The following SPEF2 variants were observed in gnomAD, a reference collection of about 807,000 sequenced individuals.
SPEF2 encodes the protein sperm flagella and cilia-associated protein 2.
A neutral mutation model predicts 224.6 loss-of-function variants in SPEF2; 187 were observed. The observed-to-expected ratio is 0.83, with a 90% CI of 0.74 to 0.94. The LOEUF is 0.94. SPEF2 is among the 40% of genes least tolerant of loss of function. SPEF2 has a pLI of 0.00. For synonymous variants in SPEF2, 715 were observed against 707.3 expected (o/e 1.01, Z -0.17); for missense variants, 2,170 against 2,135.6 (o/e 1.02, Z -0.32).
intron 2 of SPEF2, among the ~76,000 whole-genome samples, chr5:35,630,911 A>C (rs1039827736): frequency 4.5e-4 from 68 of 152,186 alleles, no homozygotes; most frequent in African/African-American, 1.6e-3. Flanking sequence ...AATAGTAAAA[A>C]GACAATCCAA....
chr5:35,716,772 G>A (rs1742658276), intron 20 of SPEF2, among the ~76,000 whole-genome samples: 1 of 152,034 alleles, frequency 6.6e-6, no homozygotes, highest in Non-Finnish European at 1.5e-5. Context: ...TCCATTGCAG[G>A]TGAACACCAT....
chr5:35,718,225 A>G (rs906824993), intron 20 of SPEF2, among the ~76,000 whole-genome samples: 1 of 152,164 alleles, frequency 6.6e-6, no homozygotes, highest in Non-Finnish European at 1.5e-5. Flanking sequence ...CCTGAGCCCA[A>G]TCCTAAGCCA....
chr5:35,796,707 T>C (rs529499216), intron 33 of SPEF2, among the ~76,000 whole-genome samples: 2 of 152,242 alleles, frequency 1.3e-5, no homozygotes, highest in South Asian at 4.2e-4. Flanking sequence ...GTATAATGTA[T>C]AGATTGTTCA....
chr5:35,633,976 A>C (rs965304506), intron 2 of SPEF2, among the ~76,000 whole-genome samples: 1 of 152,052 alleles, frequency 6.6e-6, no homozygotes. Context: ...TTACATCTTA[A>C]GCCCATCAAG....
rs138159168 is a variant in SPEF2, at chr5:35,654,837, A to C, written c.978+111A>C. Reference sequence around the variant, plus strand: ...ATGTATTGTCTGCTACTCTGCATCAAATGTCACTTTCACATCCTCATCATA... The same window carrying C: ...ATGTATTGTCTGCTACTCTGCATCACATGTCACTTTCACATCCTCATCATA... On this transcript the variant is annotated intron_variant, in intron 7 of 36. Transcript: ENST00000356031. The C allele has an allele frequency of 1.1e-4, 98 of 899,962 alleles. No homozygotes were observed. In the African/African-American group the frequency reaches 1.5e-3, roughly 14 times the overall value. The allele number at this position is 899,962 out of a possible 1,614,324, so 55.7% of individuals were successfully genotyped here. A position where few individuals can be genotyped will look rare whatever the true frequency, so the allele number is the denominator to read the frequency against.
intron 21 of SPEF2, among the ~76,000 whole-genome samples, chr5:35,739,529 GC>G (rs1747225517): frequency 6.6e-6 from 1 of 152,118 alleles, no homozygotes; most frequent in African/African-American, 2.4e-5. Flanking sequence ...ATTGGCACAT[GC>G]CACCACACCT....
At chr5:35,636,980 AAAAAAAAAAAAG>A (rs1165120091) in intron 2 of SPEF2, among the ~76,000 whole-genome samples, 21 of 151,140 alleles carry the variant, frequency 1.4e-4, no homozygotes, top group Admixed American at 1.1e-3. Flanking sequence ...TGTCTCAAAA[AAAAAAAAAAAAG>A]AAAAAAGAAA....
intron 33 of SPEF2, among the ~76,000 whole-genome samples, chr5:35,797,317 G>GGTGTGTCT (rs369368858): frequency 0.079 from 11,235 of 142,036 alleles, 560 homozygotes; most frequent in South Asian, 0.12. Flanking sequence ...ATGGCTGACG[G>GGTGTGTCT]GTGTGTGTGT....
chr5:35,792,430 A>C lies in SPEF2; in HGVS notation c.4538A>C (p.His1513Pro). 1 of 1,613,666 alleles carries C rather than the reference A, an allele frequency of 6.2e-7. No individual in the cohort carries two copies. Among genetic ancestry groups the C allele is most frequent in the Non-Finnish European group, 8.5e-7 (1 of 1,179,718 alleles). Reference protein sequence around the residue: ...GTNNFPSNWMHLTQPELQELT... With the variant: ...GTNNFPSNWMPLTQPELQELT... ...AACAACTTTCCTAGTAATTGGATGC[A>C]CCTTACCCAACCTGAAGTAAGCTTC... Residue 1513 changes from histidine (H) to proline (P), a missense_variant, in exon 31 of 37, where the codon CAC becomes CCC. By Grantham distance (77) the His-to-Pro change is moderately conservative. Transcript: ENST00000356031.
intron 2 of SPEF2, among the ~76,000 whole-genome samples, chr5:35,630,690 C>T (rs536527731): frequency 1.3e-5 from 2 of 151,402 alleles, no homozygotes; most frequent in Non-Finnish European, 2.9e-5. Flanking sequence ...AGCGAGACTC[C>T]GTCTCAAAAA....
intron 27 of SPEF2, among the ~76,000 whole-genome samples, chr5:35,772,274 C>T (rs1271313257): frequency 6.6e-6 from 1 of 152,132 alleles, no homozygotes; most frequent in Non-Finnish European, 1.5e-5. Context: ...ACATTACCCT[C>T]CCCCTCTGAA....
chr5:35,798,994 A>G (rs1426005022), intron 33 of SPEF2, among the ~76,000 whole-genome samples: 2 of 152,186 alleles, frequency 1.3e-5, no homozygotes, highest in African/African-American at 2.4e-5. Flanking sequence ...GCCTAGTTAA[A>G]CCTGTTCATA....
At chr5:35,754,539 A>G (rs1750162058) in intron 24 of SPEF2, among the ~76,000 whole-genome samples, 1 of 152,220 alleles carries the variant, frequency 6.6e-6, no homozygotes. Flanking sequence ...CTCACACAAG[A>G]ACTGGGAGAT....
chr5:35,695,775 A>G lies in SPEF2; in HGVS notation c.2016A>G (p.Lys672=), dbSNP rs751611630. Reference sequence around the variant, plus strand: ...AAACACCAAAAGCTGAAGAAGTCAAATCAAGTGATAGTTTCTTAAAAGTAA... The same window carrying G: ...AAACACCAAAAGCTGAAGAAGTCAAGTCAAGTGATAGTTTCTTAAAAGTAA... ...ADKTPKAEEV[K]SSDSFLKLTT... The change falls in exon 14 of 37, where the codon AAA becomes AAG. Residue 672 remains lysine (K), a synonymous_variant. Coordinates refer to ENST00000356031, the MANE Select transcript of SPEF2 (RefSeq NM_024867.4). The G allele has an allele frequency of 6.2e-7, 1 of 1,609,840 alleles. No individual in the cohort carries two copies. The highest frequency in any genetic ancestry group is 1.1e-5 in the South Asian group (1 of 90,084).
At chr5:35,765,573 G>T (rs1751982514) in intron 26 of SPEF2, among the ~76,000 whole-genome samples, 1 of 152,088 alleles carries the variant, frequency 6.6e-6, no homozygotes, top group Non-Finnish European at 1.5e-5. Context: ...TACATTAGAT[G>T]ACCACTTATG....
At chr5:35,753,893 A>G (rs1203417682) in intron 24 of SPEF2, 132 bp downstream of exon 24, 11 of 1,103,278 alleles carry the variant, frequency 1.0e-5, no homozygotes, top group Non-Finnish European at 1.4e-5. Context: ...TATGCCTGGT[A>G]TGAGCTCCAA....
At chr5:35,738,730 G>T (rs1271863638) in intron 21 of SPEF2, among the ~76,000 whole-genome samples, 4 of 151,654 alleles carry the variant, frequency 2.6e-5, no homozygotes, top group Admixed American at 2.6e-4. Flanking sequence ...GTTGGCTATT[G>T]TTCTGCTGTT....
intron 10 of SPEF2, among the ~76,000 whole-genome samples, chr5:35,685,555 A>C (rs916931074): frequency 1.3e-5 from 2 of 152,226 alleles, no homozygotes; most frequent in Admixed American, 1.3e-4. Context: ...TATTTAAATA[A>C]ATAACTCCAC....
intron 6 of SPEF2, among the ~76,000 whole-genome samples, chr5:35,652,953 A>G (rs952620322): frequency 3.9e-5 from 6 of 152,190 alleles, no homozygotes; most frequent in African/African-American, 1.4e-4. Flanking sequence ...AACAAAAGCA[A>G]TGATTATACA....
Sources: gnomAD v4.1 joint callset for allele counts (sites outside exome capture counted in the v4.1 genomes callset) on GRCh38, gnomAD v4.1.1 for gene constraint, MANE v1.5 for transcripts, NCBI Gene and HGNC (gene_info 2026-07-23, HGNC 2026-07-21) for gene names.